Variants in ZNF512 observed in about 807,000 individuals in gnomAD.
ZNF512 encodes the protein zinc finger protein 512.
In ZNF512, 25 loss-of-function variants were observed where a neutral mutation model predicts 77.5. The observed-to-expected ratio is 0.32, with a 90% CI of 0.23 to 0.45. The LOEUF (loss-of-function observed/expected upper bound fraction) is 0.45. Among genes scored for constraint, ZNF512 ranks in the 20% least tolerant of loss-of-function variants. The pLI is 1.00. For missense variants in ZNF512, 483 were observed against 692.6 expected, an observed-to-expected ratio of 0.70 and a Z score of 3.40; for synonymous variants, 246 against 239.9, an observed-to-expected ratio of 1.03 and a Z score of -0.24.
rs1406730839 is a variant in ZNF512, at chr2:27,599,988, A to C, written c.392A>C (p.Lys131Thr). 1.2e-6 allele frequency: 2 copies of C among 1,614,204 alleles called. No homozygotes were observed. The highest frequency in any genetic ancestry group is 2.2e-5 in the South Asian group (2 of 91,084). ...HKLYGRKQRPKTQPNPKSQAR... is the reference protein window; with the variant it reads ...HKLYGRKQRPTTQPNPKSQAR... ...ATGTCAGGGAGGAAGCAACGGCCTAAAACTCAGCCCAATCCCAAATCCCAG... is the reference window on the plus strand; with the variant it reads ...ATGTCAGGGAGGAAGCAACGGCCTACAACTCAGCCCAATCCCAAATCCCAG... Residue 131 changes from lysine to threonine, a missense_variant, in exon 5 of 14, where the codon AAA becomes ACA. By Grantham distance (78) the Lys-to-Thr change is moderately conservative. This residue lies in a region of ZNF512 where 159 missense variants were observed against 167.5 expected (regional missense o/e 0.95). Coordinates refer to ENST00000355467, the MANE Select transcript of ZNF512 (RefSeq NM_032434.4).
intron 2 of ZNF512, among the ~76,000 whole-genome samples, chr2:27,587,650 TC>T (rs1002007500): frequency 8.0e-5 from 11 of 137,680 alleles, no homozygotes; most frequent in African/African-American, 1.7e-4. Context: ...CTTTTTTTGA[TC>T]TTTTTTTTTT....
intron 9 of ZNF512, among the ~76,000 whole-genome samples, chr2:27,606,424 G>A (rs374491103): frequency 5.2e-4 from 79 of 151,436 alleles, no homozygotes; most frequent in South Asian, 2.3e-3. Context: ...GTGCAGTGGT[G>A]CGATCTTGGC....
chr2:27,585,213 A>T (rs572437235), intron 2 of ZNF512, among the ~76,000 whole-genome samples: 1 of 152,348 alleles, frequency 6.6e-6, no homozygotes, highest in East Asian at 1.9e-4. Flanking sequence ...CTGAATGAGG[A>T]GCAACATTTG....
At chr2:27,612,778 G>A (rs1672720814) in intron 10 of ZNF512, among the ~76,000 whole-genome samples, 1 of 152,168 alleles carries the variant, frequency 6.6e-6, no homozygotes, top group Non-Finnish European at 1.5e-5. Context: ...CTTACAGTAT[G>A]TAGTGAAAAT....
chr2:27,583,287 T>G (rs1671192912), intron 1 of ZNF512, 145 bp downstream of exon 1: 2 of 1,344,602 alleles, frequency 1.5e-6, no homozygotes, highest in East Asian at 4.6e-5. Flanking sequence ...CACCTGTCCC[T>G]TTTTCTTTAC....
intron 10 of ZNF512, 31 bp from the exon 11 acceptor site, chr2:27,615,137 A>G: frequency 1.4e-6 from 2 of 1,385,678 alleles, no homozygotes; most frequent in South Asian, 1.2e-5. Flanking sequence ...AGTTGTATTT[A>G]TCTAATGTTT....
chr2:27,614,440 T>C (rs2148041965), intron 10 of ZNF512, among the ~76,000 whole-genome samples: 1 of 152,326 alleles, frequency 6.6e-6, no homozygotes, highest in East Asian at 1.9e-4. Flanking sequence ...GAACCTTAAT[T>C]TTTTTGTTTT....
rs1462408347 is a variant in ZNF512 at position 27,603,599 on chromosome 2, T to A, written c.936+292T>A. On this transcript the variant is annotated intron_variant, in intron 9 of 13. Transcript: ENST00000355467. The stretch of plus-strand genomic sequence containing the variant: ...GTGTGTGTGTGTGTATATTTTTTTT[T>A]TTTTTTTTCTTCAAGAGACAAGATC... 9.5e-3 allele frequency among the ~76,000 whole-genome samples: 1,392 copies of A among 146,784 alleles called. 27 individuals carry two copies. Among genetic ancestry groups the A allele is most frequent in the African/African-American group, 0.034 (1,333 of 39,658 alleles).
intron 10 of ZNF512, among the ~76,000 whole-genome samples, chr2:27,608,938 CT>C (rs983664365): frequency 2.6e-5 from 4 of 151,318 alleles, no homozygotes; most frequent in African/African-American, 9.7e-5. Flanking sequence ...GTGAAACCCC[CT>C]CTCTACTAAA....
At chr2:27,610,819 G>A (rs1388326526) in intron 10 of ZNF512, among the ~76,000 whole-genome samples, 1 of 151,250 alleles carries the variant, frequency 6.6e-6, no homozygotes, top group Admixed American at 6.6e-5. Context: ...CAATTCGCCT[G>A]CCTCGGCCTC....
At position 27,610,608 on chromosome 2, in the gene ZNF512, C is replaced by T. The variant is rs1395591209; in HGVS notation, c.1131+2569C>T. 2.0e-3 allele frequency among the ~76,000 whole-genome samples: 155 copies of T among 77,636 alleles called. 3 individuals are homozygous for T. The highest frequency in any genetic ancestry group is 6.8e-3 in the African/African-American group (142 of 20,900). 50.9% of individuals were successfully genotyped at this position (77,636 alleles called of 152,430 possible). A position where few individuals can be genotyped will look rare whatever the true frequency, so the allele number is the denominator to read the frequency against. ...TTTTTTTTTTTTTTTTTTGAGACAG[C>T]GTCTAGCTCTGTCACCCAGGCTGGA... is the stretch of plus-strand genomic sequence containing the variant. On this transcript the variant is annotated intron_variant, in intron 10 of 13. Coordinates refer to ENST00000355467, the MANE Select transcript of ZNF512 (RefSeq NM_032434.4).
Position 27,583,180 on chromosome 2 carries a change from G to A in ZNF512, c.30+38G>A, listed in dbSNP as rs1258884417. 7 of 1,614,016 alleles carry A rather than the reference G, an allele frequency of 4.3e-6. No homozygotes were observed. In the African/African-American group the frequency reaches 9.3e-5, roughly 22 times the overall value. On this transcript the variant is annotated intron_variant, in intron 1 of 13. Coordinates refer to ENST00000355467, the MANE Select transcript of ZNF512 (RefSeq NM_032434.4). Reference sequence around the variant, plus strand: ...GTTTGACCGTTATGCTTTAGAGGTAGCGCTGTCGAGCCCGGAACACGCGGT... The same window carrying A: ...GTTTGACCGTTATGCTTTAGAGGTAACGCTGTCGAGCCCGGAACACGCGGT...
rs768804527 is a variant in ZNF512, at chr2:27,607,980, C to T, written c.1072C>T (p.Leu358=). The T allele has an allele frequency of 5.3e-5, 86 of 1,611,720 alleles. 1 individual carries two copies. Among genetic ancestry groups the T allele is most frequent in the Admixed American group, 2.7e-4 (16 of 59,554 alleles). Residue 358 remains leucine (L), a synonymous_variant, in exon 10 of 14, where the codon CTG becomes TTG. Transcript: ENST00000355467. The stretch of plus-strand genomic sequence containing the variant: ...CCTACAGGAGCTGGCCTCTGCTGAA[C>T]TGGCCAAGGAATGGCCCAAGAGGAA... ...YHLQELASAE[L]AKEWPKRKVL...
In ZNF512 at chr2:27,598,355, C is replaced by T. The variant is rs951190535; in HGVS notation, c.277+101C>T. On this transcript the variant is annotated intron_variant, in intron 3 of 13. Transcript: ENST00000355467. ...TTAAAAGTATTAAATGGCGGCTGAG[C>T]GTGGTGGCTCACGCCTGTAATCCCA... The T allele has an allele frequency of 5.2e-5, 66 of 1,278,142 alleles. No homozygotes were observed. In the African/African-American group the frequency reaches 7.4e-4, roughly 14 times the overall value. 79.2% of individuals were successfully genotyped at this position (1,278,142 alleles called of 1,614,324 possible). A position where few individuals can be genotyped will look rare whatever the true frequency, so the allele number is the denominator to read the frequency against.
intron 13 of ZNF512, 41 bp from the exon 14 acceptor site, chr2:27,621,112 T>C (rs1234310475): frequency 1.3e-6 from 2 of 1,588,012 alleles, no homozygotes; most frequent in Non-Finnish European, 1.7e-6. Flanking sequence ...TGTTCTTCAC[T>C]ATATTTTCGA....
intron 10 of ZNF512, among the ~76,000 whole-genome samples, chr2:27,613,149 C>A (rs571622681): frequency 6.0e-4 from 91 of 152,112 alleles, no homozygotes; most frequent in African/African-American, 2.0e-3. Context: ...TTTCTTATAT[C>A]CCCTTCTTTC....
chr2:27,595,144 C>T (rs891778283), intron 2 of ZNF512, among the ~76,000 whole-genome samples: 3 of 152,030 alleles, frequency 2.0e-5, no homozygotes, highest in Non-Finnish European at 4.4e-5. Context: ...GGGAGGAGAG[C>T]GGGGAGAGGG....
chr2:27,610,899 TA>T (rs1173788814), intron 10 of ZNF512, among the ~76,000 whole-genome samples: 2 of 151,962 alleles, frequency 1.3e-5, no homozygotes, highest in African/African-American at 4.8e-5. Context: ...AGCGTATAGA[TA>T]AAAGGCATTA....
At chr2:27,596,163 G>C (rs979258596) in intron 2 of ZNF512, among the ~76,000 whole-genome samples, 3 of 152,136 alleles carry the variant, frequency 2.0e-5, no homozygotes, top group African/African-American at 7.2e-5. Context: ...GATTTGAGCT[G>C]TCCCAAACAT....
Sources: gnomAD v4.1 joint callset for allele counts (sites outside exome capture counted in the v4.1 genomes callset) on GRCh38, gnomAD v4.1.1 for gene constraint, gnomAD v4.1.1 regional missense constraint, MANE v1.5 for transcripts, NCBI Gene and HGNC (gene_info 2026-07-23, HGNC 2026-07-21) for gene names.